KSR2: variants seen among roughly 807,000 people sequenced by gnomAD.
KSR2 encodes the protein kinase suppressor of ras 2.
In KSR2, 25 loss-of-function variants were observed where a neutral mutation model predicts 107.8. That is an observed-to-expected ratio of 0.23 (90% CI 0.17 to 0.32). KSR2 has a LOEUF of 0.32. KSR2 is among the 10% of genes least tolerant of loss of function. The pLI, the probability that KSR2 is intolerant of heterozygous loss-of-function variation, is 1.00. For synonymous variants in KSR2, 480 were observed against 507.0 expected (o/e 0.95, Z 0.71); for missense variants, 887 against 1,268.9 (o/e 0.70, Z 4.57).
intron 1 of KSR2, among the ~76,000 whole-genome samples, chr12:117,896,482 G>A (rs1593349597): frequency 7.4e-6 from 1 of 135,638 alleles, no homozygotes; most frequent in South Asian, 2.4e-4. Context: ...TTTTTGAGAC[G>A]GAGTTTTGCT....
rs1870420253 is a variant in KSR2 at position 117,453,170 on chromosome 12, A to G, written c.*14029T>C. 1 of 152,574 alleles carries G rather than the reference A, an allele frequency of 6.6e-6. No individual in the cohort carries two copies. 9.5% of individuals were successfully genotyped at this position (152,574 alleles called of 1,614,324 possible). A position where few individuals can be genotyped will look rare whatever the true frequency, so the allele number is the denominator to read the frequency against. ...CTCAGAGGCACACAAACTGTCCAAC[A>G]GCCCAAGTTAGAAATACTTTTTTTA... is the stretch of plus-strand genomic sequence containing the variant. On this transcript the variant is annotated 3_prime_UTR_variant, in exon 20 of 20. Transcript: ENST00000339824.
chr12:117,595,947 G>C (rs989345553), intron 5 of KSR2, among the ~76,000 whole-genome samples: 2 of 152,126 alleles, frequency 1.3e-5, no homozygotes, highest in Non-Finnish European at 1.5e-5. Context: ...CATGGTGATT[G>C]CTTCAGGCAA....
intron 1 of KSR2, among the ~76,000 whole-genome samples, chr12:117,883,120 T>C (rs539014686): frequency 6.6e-6 from 1 of 152,296 alleles, no homozygotes; most frequent in African/African-American, 2.4e-5. Flanking sequence ...TCTATCCATC[T>C]GTCAAATAAA....
intron 5 of KSR2, among the ~76,000 whole-genome samples, chr12:117,635,054 C>A (rs540530540): frequency 3.3e-5 from 5 of 152,284 alleles, no homozygotes; most frequent in Admixed American, 6.5e-5. Flanking sequence ...CCACACACAG[C>A]AAATTGCAGG....
rs1019446337 is a variant in KSR2, at chr12:117,907,462, C to T, written c.181-47031G>A. On this transcript the variant is annotated intron_variant, in intron 1 of 19. Transcript: ENST00000339824. This position sits in a 1 kb window ranked among gnomAD's most constrained non-coding sequence, Gnocchi z 4.3. ...GTGAGATCTGGTTTCTAGGTGAAGGCACAACAGCTGCACCCCTCTCCCAAC... is the reference window on the plus strand; with the variant it reads ...GTGAGATCTGGTTTCTAGGTGAAGGTACAACAGCTGCACCCCTCTCCCAAC... 6.6e-6 allele frequency among the ~76,000 whole-genome samples: 1 copy of T among 152,170 alleles called. No individual in the cohort carries two copies. The highest frequency in any genetic ancestry group is 2.4e-5 in the African/African-American group (1 of 41,428).
At chr12:117,597,192 G>A (rs1431402900) in intron 5 of KSR2, among the ~76,000 whole-genome samples, 1 of 152,188 alleles carries the variant, frequency 6.6e-6, no homozygotes, top group Non-Finnish European at 1.5e-5. Context: ...TATTTACAGA[G>A]TGGCTAATGA....
At chr12:117,471,815 C>A (rs538111479) in intron 17 of KSR2, among the ~76,000 whole-genome samples, 8 of 151,770 alleles carry the variant, frequency 5.3e-5, no homozygotes, top group African/African-American at 1.2e-4. Flanking sequence ...CAATATATAA[C>A]CTTAGGTAAA....
intron 13 of KSR2, among the ~76,000 whole-genome samples, chr12:117,525,746 T>A (rs1169390688): frequency 6.6e-6 from 1 of 152,212 alleles, no homozygotes; most frequent in Non-Finnish European, 1.5e-5. Context: ...ATGTAACACA[T>A]GACAACTGCC....
intron 14 of KSR2, among the ~76,000 whole-genome samples, chr12:117,494,784 T>C (rs116541541): frequency 0.024 from 3,661 of 152,292 alleles, 124 homozygotes; most frequent in African/African-American, 0.078. Flanking sequence ...GGGGCATCTT[T>C]AGCCAGGGTG....
At chr12:117,779,201 A>G (rs886077336) in intron 3 of KSR2, among the ~76,000 whole-genome samples, 1 of 152,234 alleles carries the variant, frequency 6.6e-6, no homozygotes, top group Non-Finnish European at 1.5e-5. Flanking sequence ...GGTGCTGTGT[A>G]AACGTCTATC....
intron 10 of KSR2, among the ~76,000 whole-genome samples, chr12:117,537,402 T>C (rs1876128879): frequency 1.3e-5 from 2 of 152,242 alleles, no homozygotes; most frequent in African/African-American, 4.8e-5. Flanking sequence ...CACTGTACTT[T>C]ATTATTATTG....
At chr12:117,875,426 T>G (rs1480324043) in intron 1 of KSR2, among the ~76,000 whole-genome samples, 1 of 151,638 alleles carries the variant, frequency 6.6e-6, no homozygotes, top group Admixed American at 6.6e-5. Context: ...GACCAGGCCC[T>G]TGCAAGAACC....
chr12:117,856,014 T>C (rs1328511847), intron 2 of KSR2, among the ~76,000 whole-genome samples: 1 of 152,134 alleles, frequency 6.6e-6, no homozygotes, highest in African/African-American at 2.4e-5. Context: ...GCAGGTGTGC[T>C]GGTGGCTGGG....
chr12:117,513,505 C>T (rs1005794557), intron 14 of KSR2, among the ~76,000 whole-genome samples: 2 of 152,162 alleles, frequency 1.3e-5, no homozygotes, highest in African/African-American at 2.4e-5. Context: ...CAGCATCTGC[C>T]GCTGGGGAAG....
chr12:117,596,265 C>G (rs747359475), intron 5 of KSR2, among the ~76,000 whole-genome samples: 13 of 152,150 alleles, frequency 8.5e-5, no homozygotes, highest in Non-Finnish European at 1.6e-4. Context: ...ATAAAACCAT[C>G]AGATCTCATG....
intron 3 of KSR2, among the ~76,000 whole-genome samples, chr12:117,838,516 A>G (rs1326616276): frequency 6.6e-6 from 1 of 152,192 alleles, no homozygotes; most frequent in Non-Finnish European, 1.5e-5. Context: ...GGGTTTGAGC[A>G]CAAGCTCTAC....
intron 14 of KSR2, among the ~76,000 whole-genome samples, chr12:117,493,766 G>T (rs1872872029): frequency 6.6e-6 from 1 of 152,194 alleles, no homozygotes; most frequent in Non-Finnish European, 1.5e-5. Context: ...TGTGTTGTGG[G>T]AGGGGCCCAG....
At chr12:117,564,938 C>A (rs952266598) in intron 7 of KSR2, among the ~76,000 whole-genome samples, 1 of 152,206 alleles carries the variant, frequency 6.6e-6, no homozygotes, top group Non-Finnish European at 1.5e-5. Context: ...AATGATGCCC[C>A]CTCTGCATTT....
chr12:117,780,161 C>T (rs1388748704), intron 3 of KSR2, among the ~76,000 whole-genome samples: 4 of 152,032 alleles, frequency 2.6e-5, no homozygotes, highest in South Asian at 2.1e-4. Context: ...TAATGTCATT[C>T]CTCAAAAAGT....
Sources: allele counts gnomAD v4.1 joint callset (sites outside exome capture counted in the v4.1 genomes callset), GRCh38; gene constraint gnomAD v4.1.1; non-coding constraint Gnocchi (gnomAD v3.1); transcripts MANE v1.5; gene names NCBI Gene and HGNC (gene_info 2026-07-23, HGNC 2026-07-21).